The following RGS5 variants were observed in gnomAD, a reference collection of about 807,000 sequenced individuals.
RGS5 encodes the protein regulator of G-protein signalling 5.
A neutral mutation model predicts 18.9 loss-of-function variants in RGS5; 20 were observed. That is an observed-to-expected ratio of 1.06 (90% CI 0.74 to 1.54). The LOEUF is 1.54. Ranked by LOEUF, RGS5 falls within the 40% of genes most tolerant of loss-of-function variation. The pLI is 0.00. For synonymous variants in RGS5, 57 were observed against 76.2 expected (o/e 0.75, Z 1.31); for missense variants, 201 against 211.8 (o/e 0.95, Z 0.32).
intron 2 of RGS5, among the ~76,000 whole-genome samples, chr1:163,290,639 T>C (rs2036699): frequency 0.27 from 40,008 of 145,966 alleles, 5,545 homozygotes; most frequent in South Asian, 0.42. Flanking sequence ...CCAGAAGACA[T>C]GTGCAGCTCA....
intron 1 of RGS5, among the ~76,000 whole-genome samples, chr1:163,316,471 C>A (rs1265884471): frequency 6.6e-6 from 1 of 152,052 alleles, no homozygotes; most frequent in Admixed American, 6.5e-5. Flanking sequence ...AATAATACAA[C>A]CATAGAATTT....
At chr1:163,207,212 T>C (rs1376188735), upstream of RGS5, among the ~76,000 whole-genome samples, 1 of 152,238 alleles carries the variant, frequency 6.6e-6, no homozygotes, top group Non-Finnish European at 1.5e-5. Context: ...CTCCAGTTTA[T>C]GCTTTTTAAT....
intron 2 of RGS5, among the ~76,000 whole-genome samples, chr1:163,224,864 T>C (rs970905899): frequency 4.6e-5 from 7 of 152,188 alleles, no homozygotes; most frequent in Non-Finnish European, 7.4e-5. Flanking sequence ...ATTCAGATAT[T>C]TTGGCCATCA....
exon 1 of RGS5, chr1:163,217,624 G>C (rs1660247362): frequency 3.9e-6 from 6 of 1,537,458 alleles, no homozygotes; most frequent in Middle Eastern, 1.7e-4. Context: ...TCTTTGTTTT[G>C]TCAGACACTT....
intron 2 of RGS5, among the ~76,000 whole-genome samples, chr1:163,268,075 T>C (rs555946758): frequency 5.9e-5 from 9 of 152,082 alleles, no homozygotes; most frequent in African/African-American, 2.2e-4. Flanking sequence ...GTGGCTTTAC[T>C]AGATAACTCA....
At chr1:163,194,500 A>G (rs570903377) in intron 1 of RGS5, among the ~76,000 whole-genome samples, 1 of 152,312 alleles carries the variant, frequency 6.6e-6, no homozygotes, top group African/African-American at 2.4e-5. Context: ...TACAAATGTA[A>G]TAGTGATACT....
At chr1:163,174,855 C>A (rs1658478212) in intron 1 of RGS5, among the ~76,000 whole-genome samples, 1 of 152,044 alleles carries the variant, frequency 6.6e-6, no homozygotes, top group Non-Finnish European at 1.5e-5. Flanking sequence ...TCAGGAACAG[C>A]GAGAAGGAAG....
At chr1:163,186,495 C>A (rs1168695264) in intron 1 of RGS5, among the ~76,000 whole-genome samples, 1 of 144,270 alleles carries the variant, frequency 6.9e-6, no homozygotes, top group South Asian at 2.2e-4. Flanking sequence ...AGGAGAATGG[C>A]GTGAACCTGG....
intron 1 of RGS5, among the ~76,000 whole-genome samples, chr1:163,195,285 G>A (rs189658927): frequency 6.6e-6 from 1 of 152,250 alleles, no homozygotes; most frequent in African/African-American, 2.4e-5. Flanking sequence ...CAACTTGGAT[G>A]GAGCTGGAGG....
Position 163,147,400 on chromosome 1 carries a change from T to G in RGS5, c.488A>C (p.Glu163Ala). The G allele has an allele frequency of 6.2e-7, 1 of 1,612,864 alleles. No individual in the cohort carries two copies. ...CACAAAGCGAGGCAGAGAATCCTTTTCCATCAGGGCATGGATTCTTTTCTG... is the reference window on the plus strand; with the variant it reads ...CACAAAGCGAGGCAGAGAATCCTTTGCCATCAGGGCATGGATTCTTTTCTG... ...MAQKRIHALM[E>A]KDSLPRFVRS... is the part of the protein sequence containing the mutation. Residue 163 changes from glutamate (E) to alanine (A), a missense_variant, in exon 5 of 5, where the codon GAA becomes GCA. Physicochemically the swap from Glu to Ala is moderately radical, Grantham distance 107. Transcript: ENST00000313961.
chr1:163,154,345 C>G (rs1021496311), intron 3 of RGS5, among the ~76,000 whole-genome samples: 1 of 152,054 alleles, frequency 6.6e-6, no homozygotes, highest in Admixed American at 6.6e-5. Context: ...CTTCACAGTA[C>G]CCTGAAACCA....
chr1:163,290,505 T>A (rs910959477), intron 2 of RGS5, among the ~76,000 whole-genome samples: 1 of 152,198 alleles, frequency 6.6e-6, no homozygotes, highest in African/African-American at 2.4e-5. Context: ...GAAGTTTCTT[T>A]AGAGTAATCT....
chr1:163,165,956 C>T (rs1396492590), intron 2 of RGS5, among the ~76,000 whole-genome samples: 1 of 151,528 alleles, frequency 6.6e-6, no homozygotes, highest in Non-Finnish European at 1.5e-5. Flanking sequence ...CTGTCAAATG[C>T]TGCAGACAAG....
intron 2 of RGS5, among the ~76,000 whole-genome samples, chr1:163,287,055 C>T (rs1014085162): frequency 2.6e-5 from 4 of 152,094 alleles, no homozygotes; most frequent in East Asian, 3.9e-4. Flanking sequence ...CCTCTGCTCT[C>T]GGAACATATC....
chr1:163,198,115 G>GA (rs564166683), intron 1 of RGS5, among the ~76,000 whole-genome samples: 1 of 150,720 alleles, frequency 6.6e-6, no homozygotes, highest in Admixed American at 6.6e-5. Flanking sequence ...AGAACATGGG[G>GA]AAAAAAATGA....
chr1:163,218,762 G>T (rs938800990), upstream of RGS5, among the ~76,000 whole-genome samples: 2 of 152,158 alleles, frequency 1.3e-5, no homozygotes, highest in Non-Finnish European at 2.9e-5. Context: ...GAAAATAGGA[G>T]ATTAAGGAAT....
At chr1:163,177,786 A>G (rs1658621921) in intron 1 of RGS5, among the ~76,000 whole-genome samples, 1 of 152,218 alleles carries the variant, frequency 6.6e-6, no homozygotes, top group Non-Finnish European at 1.5e-5. Flanking sequence ...GTTAATGCAT[A>G]TATTCCTCCA....
intron 2 of RGS5, among the ~76,000 whole-genome samples, chr1:163,292,361 A>G (rs898256475): frequency 2.0e-5 from 3 of 152,170 alleles, no homozygotes; most frequent in African/African-American, 4.8e-5. Flanking sequence ...ATTCCTTTTC[A>G]TGGCTGCATA....
At chr1:163,183,188 G>C (rs1006199714) in intron 1 of RGS5, among the ~76,000 whole-genome samples, 1 of 152,138 alleles carries the variant, frequency 6.6e-6, no homozygotes, top group Non-Finnish European at 1.5e-5. Context: ...TGAGGAATAA[G>C]AGGACTGTTT....
Sources: gnomAD v4.1 joint callset for allele counts (sites outside exome capture counted in the v4.1 genomes callset) on GRCh38, gnomAD v4.1.1 for gene constraint, MANE v1.5 for transcripts, NCBI Gene and HGNC (gene_info 2026-07-23, HGNC 2026-07-21) for gene names.